FYN: variants seen among roughly 807,000 people sequenced by gnomAD.
FYN encodes FYN proto-oncogene, Src family tyrosine kinase, also known as tyrosine-protein kinase Fyn.
A neutral mutation model predicts 70.2 loss-of-function variants in FYN; 10 were observed. The ratio of observed to expected loss-of-function variants is 0.14; its 90% CI spans 0.09 to 0.24. The LOEUF is 0.24. Among genes scored for constraint, FYN ranks in the 10% least tolerant of loss-of-function variants. The pLI is 1.00. For missense variants in FYN, 319 were observed against 673.1 expected, an observed-to-expected ratio of 0.47 and a Z score of 5.82; for synonymous variants, 236 against 248.6, an observed-to-expected ratio of 0.95 and a Z score of 0.48.
At chr6:111,839,930 G>A (rs1773305750) in intron 2 of FYN, among the ~76,000 whole-genome samples, 2 of 152,136 alleles carry the variant, frequency 1.3e-5, no homozygotes, top group South Asian at 4.1e-4. Flanking sequence ...CCCAAAGACT[G>A]AGAGGGTATG....
intron 5 of FYN, among the ~76,000 whole-genome samples, chr6:111,713,770 C>T (rs1484036244): frequency 6.6e-6 from 1 of 152,216 alleles, no homozygotes; most frequent in African/African-American, 2.4e-5. Context: ...CATTAAACAA[C>T]CATGCAGCAT....
chr6:111,683,536 A>G (rs548664498), intron 12 of FYN, among the ~76,000 whole-genome samples: 1 of 152,328 alleles, frequency 6.6e-6, no homozygotes, highest in African/African-American at 2.4e-5. Flanking sequence ...TCCTACAGAG[A>G]ATCTGAGCTG....
chr6:111,729,509 C>T (rs951203390), intron 3 of FYN, among the ~76,000 whole-genome samples: 9 of 150,854 alleles, frequency 6.0e-5, no homozygotes, highest in Non-Finnish European at 5.9e-5. Context: ...GTGGCATGTC[C>T]TTTAACCTGT....
chr6:111,851,092 G>A (rs948730067), intron 1 of FYN, among the ~76,000 whole-genome samples: 5 of 152,106 alleles, frequency 3.3e-5, no homozygotes, highest in African/African-American at 4.8e-5. Context: ...TCAAAATGAG[G>A]GGCACGTGAT....
intron 1 of FYN, among the ~76,000 whole-genome samples, chr6:111,848,609 G>A (rs1037796029): frequency 1.1e-4 from 16 of 152,260 alleles, no homozygotes; most frequent in African/African-American, 3.6e-4. Flanking sequence ...AAACCAAAAG[G>A]AGGACACCAC....
chr6:111,762,157 G>T (rs930539729), intron 3 of FYN, among the ~76,000 whole-genome samples: 2 of 152,164 alleles, frequency 1.3e-5, no homozygotes, highest in Non-Finnish European at 2.9e-5. Flanking sequence ...CATTTTATCT[G>T]GCTCTGGCTT....
At chr6:111,738,199 G>A (rs1801790827) in intron 3 of FYN, among the ~76,000 whole-genome samples, 1 of 152,208 alleles carries the variant, frequency 6.6e-6, no homozygotes, top group Non-Finnish European at 1.5e-5. Context: ...TAGTGAAGAT[G>A]AAGATGTACC....
rs1205058826 is a variant in FYN at position 111,758,649 on chromosome 6, T to C, written c.-12+21917A>G. ...TGAACTCCTGTTCTCCACTGGGCAT[T>C]TGCCCTGGGGCATGGCTCAGTGCCC... On this transcript the variant is annotated intron_variant, in intron 3 of 13. Transcript: ENST00000354650. 3.3e-5 allele frequency among the ~76,000 whole-genome samples: 5 copies of C among 152,338 alleles called. No homozygotes were observed. In the South Asian group the frequency reaches 6.2e-4, roughly 19 times the overall value.
chr6:111,753,184 C>G (rs1802564000), intron 3 of FYN, among the ~76,000 whole-genome samples: 1 of 152,174 alleles, frequency 6.6e-6, no homozygotes, highest in African/African-American at 2.4e-5. Context: ...AGCATTTGGT[C>G]TGATCCTCCA....
intron 2 of FYN, among the ~76,000 whole-genome samples, chr6:111,815,130 TG>T (rs1190068247): frequency 6.6e-6 from 1 of 152,126 alleles, no homozygotes; most frequent in Non-Finnish European, 1.5e-5. Flanking sequence ...TCAATCACAC[TG>T]GATGAGAGCT....
At chr6:111,774,941 A>G (rs1439837511) in intron 3 of FYN, among the ~76,000 whole-genome samples, 1 of 151,818 alleles carries the variant, frequency 6.6e-6, no homozygotes, top group Non-Finnish European at 1.5e-5. Flanking sequence ...CTGGACTCGA[A>G]CTCCTGACCT....
In FYN at chr6:111,694,413, G is replaced by T; in HGVS notation, c.1235C>A (p.Ala412Asp). ...GTACTCATTGTCTTCTATCAATCGG[G>T]CCAATCCGAAGTCAGCAATCTTGCA... ...LICKIADFGL[A>D]RLIEDNEYTA... The change falls in exon 12 of 14, where the codon GCC becomes GAC. Residue 412 changes from alanine (A) to aspartate (D), a missense_variant. This residue lies in a region of FYN where 64 missense variants were observed against 223.0 expected (regional missense o/e 0.29). Transcript: ENST00000354650. This position sits in a 1 kb window ranked among gnomAD's most constrained non-coding sequence, Gnocchi z 5.0. 6.2e-7 allele frequency: 1 copy of T among 1,614,186 alleles called. No homozygotes were observed.
At chr6:111,867,458 G>GGAA (rs1359978028) in intron 1 of FYN, among the ~76,000 whole-genome samples, 1,436 of 70,420 alleles carry the variant, frequency 0.02, 54 homozygotes, top group African/African-American at 0.073. Context: ...TCCGTCTCGG[G>GGAA]AAAAAAAAAA....
At chr6:111,776,414 CA>C (rs1770941595) in intron 3 of FYN, among the ~76,000 whole-genome samples, 1 of 152,158 alleles carries the variant, frequency 6.6e-6, no homozygotes, top group African/African-American at 2.4e-5. Flanking sequence ...TGAATGCCTC[CA>C]AATCCCATTC....
chr6:111,818,425 T>A (rs572499080), intron 2 of FYN, among the ~76,000 whole-genome samples: 2 of 152,208 alleles, frequency 1.3e-5, no homozygotes, highest in East Asian at 3.9e-4. Context: ...ATACTCTTTT[T>A]AAAAAAAGGC....
intron 1 of FYN, among the ~76,000 whole-genome samples, chr6:111,849,349 A>G (rs1364051259): frequency 6.6e-6 from 1 of 152,202 alleles, no homozygotes; most frequent in Non-Finnish European, 1.5e-5. Flanking sequence ...AATAAAACTG[A>G]GCAATCCTCA....
At chr6:111,855,624 C>G (rs1773804021) in intron 1 of FYN, among the ~76,000 whole-genome samples, 1 of 152,218 alleles carries the variant, frequency 6.6e-6, no homozygotes, top group African/African-American at 2.4e-5. Context: ...CCGTCATCAT[C>G]AACTGGGTTT....
chr6:111,804,457 C>T (rs1414231623), intron 2 of FYN, among the ~76,000 whole-genome samples: 1 of 152,138 alleles, frequency 6.6e-6, no homozygotes, highest in Non-Finnish European at 1.5e-5. Flanking sequence ...GAATAGGATG[C>T]TACATCGCAA....
chr6:111,703,954 C>A (rs1160049535), intron 7 of FYN, 45 bp downstream of exon 7: 1 of 1,451,466 alleles, frequency 6.9e-7, no homozygotes, highest in South Asian at 1.1e-5. Flanking sequence ...CTGACTAATC[C>A]ACAGATTTGA....
Sources: gnomAD v4.1 joint callset for allele counts (sites outside exome capture counted in the v4.1 genomes callset) on GRCh38, gnomAD v4.1.1 for gene constraint, gnomAD v4.1.1 regional missense constraint, Gnocchi (gnomAD v3.1) non-coding constraint, MANE v1.5 for transcripts, NCBI Gene and HGNC (gene_info 2026-07-23, HGNC 2026-07-21) for gene names.